Variants in ATP10D observed in about 807,000 individuals in gnomAD.
ATP10D encodes ATPase phospholipid transporting 10D (putative).
A neutral mutation model predicts 144.8 loss-of-function variants in ATP10D; 89 were observed. That is an observed-to-expected ratio of 0.61 (90% confidence interval 0.52 to 0.73). The LOEUF (loss-of-function observed/expected upper bound fraction) is 0.73, where lower values mean the gene tolerates loss of function less well. Among genes scored for constraint, ATP10D ranks in the 30% least tolerant of loss-of-function variants. The pLI, the probability that ATP10D is intolerant of heterozygous loss-of-function variation, is 0.00. For missense variants in ATP10D, 1,603 were observed against 1,714.8 expected, an observed-to-expected ratio of 0.93 and a Z score of 1.15; for synonymous variants, 571 against 615.1, an observed-to-expected ratio of 0.93 and a Z score of 1.06.
At chr4:47,491,342 T>G (rs1247944932) in intron 1 of ATP10D, 1 of 774,108 alleles carries the variant, frequency 1.3e-6, no homozygotes, top group Non-Finnish European at 2.3e-6. Context: ...CCTTGAAATC[T>G]CCAATATCAC....
At chr4:47,583,378 G>A (rs531562411) in intron 21 of ATP10D, 1 of 152,250 alleles carries the variant, frequency 6.6e-6, no homozygotes, top group African/African-American at 2.4e-5. Context: ...ATAGGAAATA[G>A]CTGAATAAGG....
At chr4:47,584,553 C>T (rs553662744) in intron 21 of ATP10D, among the ~76,000 whole-genome samples, 2 of 152,048 alleles carry the variant, frequency 1.3e-5, no homozygotes, top group African/African-American at 4.8e-5. Context: ...CCACCACGCC[C>T]CGCTAATTTT....
At chr4:47,541,710 A>G (rs1718142949) in intron 9 of ATP10D, among the ~76,000 whole-genome samples, 1 of 152,206 alleles carries the variant, frequency 6.6e-6, no homozygotes, top group Admixed American at 6.5e-5. Flanking sequence ...TGAAAGTATG[A>G]TAAACTTTTT....
Position 47,512,767 on chromosome 4 carries a change from T to C in ATP10D, c.227T>C (p.Ile76Thr). The change falls in exon 2 of 23, where the codon ATA (isoleucine) becomes ACA (threonine). Residue 76 changes from isoleucine to threonine, a missense_variant. Coordinates refer to ENST00000273859, the MANE Select transcript of ATP10D (RefSeq NM_020453.4). ...KFSGAYVNNRIRTTKYTLLNF... is the reference protein window; with the variant it reads ...KFSGAYVNNRTRTTKYTLLNF... ...TCCGGAGCCTATGTGAACAATCGAA[T>C]ACGAACAACAAAGTACACACTTCTG... The C allele has an allele frequency of 6.2e-7, 1 of 1,614,066 alleles. No homozygotes were observed. The highest frequency in any genetic ancestry group is 8.5e-7 in the Non-Finnish European group (1 of 1,179,882).
intron 21 of ATP10D, among the ~76,000 whole-genome samples, 169 bp from the exon 22 acceptor site, chr4:47,586,850 C>A (rs953934479): frequency 1.3e-5 from 2 of 152,144 alleles, no homozygotes; most frequent in African/African-American, 4.8e-5. Flanking sequence ...AATTCATTCA[C>A]AAAAAATACT....
At chr4:47,486,542 A>G (rs143078787) in intron 1 of ATP10D, among the ~76,000 whole-genome samples, 43 of 152,314 alleles carry the variant, frequency 2.8e-4, no homozygotes, top group Admixed American at 1.2e-3. Context: ...AGCATCATCG[A>G]AAACCCTTGC....
intron 1 of ATP10D, chr4:47,490,992 G>C: frequency 1.5e-6 from 1 of 667,872 alleles, no homozygotes; most frequent in Non-Finnish European, 2.8e-6. Flanking sequence ...CTGATGCCAT[G>C]TGTTCATAGG....
chr4:47,543,419 A>G (rs1051342863), intron 9 of ATP10D, among the ~76,000 whole-genome samples: 3 of 152,172 alleles, frequency 2.0e-5, no homozygotes, highest in Admixed American at 6.5e-5. Context: ...TTTGGGCTAG[A>G]TTAATCTTTG....
intron 5 of ATP10D, among the ~76,000 whole-genome samples, chr4:47,533,443 C>T (rs903090932): frequency 1.3e-5 from 2 of 152,128 alleles, no homozygotes; most frequent in African/African-American, 4.8e-5. Context: ...AATGATAAAT[C>T]TGTCTTTCTC....
At chr4:47,521,800 T>C (rs1309416664) in intron 3 of ATP10D, among the ~76,000 whole-genome samples, 1 of 152,166 alleles carries the variant, frequency 6.6e-6, no homozygotes, top group Non-Finnish European at 1.5e-5. Context: ...AAAGACAAAA[T>C]AAACTGTTGA....
rs190804954 is a variant in ATP10D, at chr4:47,503,157, G to A, written c.-37-9347G>A. Among the ~76,000 whole-genome samples the A allele has an allele frequency of 4.5e-3, 683 of 152,138 alleles. 3 individuals are homozygous for A. The highest frequency in any genetic ancestry group is 8.5e-3 in the Admixed American group (130 of 15,276). On this transcript the variant is annotated intron_variant, in intron 1 of 22. Transcript: ENST00000273859. The stretch of plus-strand genomic sequence containing the variant: ...GCAGAGTTTGCAGTGAGCCGAGACC[G>A]GACCACTGCACTCCAGCCTGGGTGA...
chr4:47,535,364 C>A, intron 5 of ATP10D, 145 bp from the exon 6 acceptor site: 4 of 575,632 alleles, frequency 6.9e-6, no homozygotes, highest in Admixed American at 7.6e-5. Flanking sequence ...CTGCAATAAC[C>A]AAAGTAAATG....
intron 1 of ATP10D, among the ~76,000 whole-genome samples, chr4:47,486,100 A>G (rs1448613302): frequency 6.6e-6 from 1 of 152,210 alleles, no homozygotes; most frequent in Non-Finnish European, 1.5e-5. Flanking sequence ...GGAGTGCTAC[A>G]AAGAAGCCCC....
intron 2 of ATP10D, among the ~76,000 whole-genome samples, chr4:47,513,355 C>T (rs1337318700): frequency 6.6e-6 from 1 of 152,182 alleles, no homozygotes; most frequent in Non-Finnish European, 1.5e-5. Flanking sequence ...GAGTGCCACT[C>T]CTCTCCTTGT....
intron 2 of ATP10D, 46 bp downstream of exon 2, chr4:47,512,876 G>A (rs757894053): frequency 1.1e-5 from 17 of 1,494,378 alleles, no homozygotes; most frequent in African/African-American, 1.4e-5. Flanking sequence ...CATTCTAGTT[G>A]ATATATAACA....
Position 47,572,644 on chromosome 4 carries a change from CGTGTGTGTGT to C in ATP10D, c.3241-201_3241-192del, listed in dbSNP as rs72171059. 7.8e-4 allele frequency among the ~76,000 whole-genome samples: 113 copies of C among 145,300 alleles called. 1 individual carries two copies. The South Asian group carries it at 0.016, about 20-fold the overall frequency. On this transcript the variant is annotated intron_variant, in intron 17 of 22. Transcript: ENST00000273859. The stretch of plus-strand genomic sequence containing the variant: ...AGTGGGAGTGTCCTATTTGTGCGCA[CGTGTGTGTGT>C]GTGTGTGTGTGTGTGTGTGTGTGTG...
At chr4:47,556,119 G>A (rs566922974) in intron 11 of ATP10D, among the ~76,000 whole-genome samples, 7 of 152,162 alleles carry the variant, frequency 4.6e-5, no homozygotes, top group East Asian at 1.9e-4. Flanking sequence ...TTTTCAATGC[G>A]GAGGAAAACT....
chr4:47,539,161 AATT>A (rs971126309), intron 9 of ATP10D, among the ~76,000 whole-genome samples: 56 of 152,270 alleles, frequency 3.7e-4, no homozygotes, highest in African/African-American at 1.3e-3. Context: ...TAAATTTGTC[AATT>A]ATTATGAATA....
chr4:47,514,877 A>C (rs1043090770), intron 2 of ATP10D, among the ~76,000 whole-genome samples: 45 of 146,272 alleles, frequency 3.1e-4, no homozygotes, highest in African/African-American at 1.1e-3. Context: ...AAAAGAAAAT[A>C]GTATTTTCTC....
Sources: allele counts gnomAD v4.1 joint callset (sites outside exome capture counted in the v4.1 genomes callset), GRCh38; gene constraint gnomAD v4.1.1; transcripts MANE v1.5; gene names NCBI Gene and HGNC (gene_info 2026-07-23, HGNC 2026-07-21).